ADAM11: variants seen among roughly 807,000 people sequenced by gnomAD.
The protein encoded by ADAM11 is ADAM metallopeptidase domain 11.
A neutral mutation model predicts 119.1 loss-of-function variants in ADAM11; 49 were observed. That is an observed-to-expected ratio of 0.41 (90% CI 0.33 to 0.52). The LOEUF is 0.52. ADAM11 is among the 20% of genes least tolerant of loss of function. ADAM11 has a pLI of 0.20. For missense variants in ADAM11, 777 were observed against 1,047.5 expected (o/e 0.74, Z 3.56); for synonymous variants, 364 against 408.0 (o/e 0.89, Z 1.30).
chr17:44,779,732 G>A lies in ADAM11; in HGVS notation c.2295-7G>A, dbSNP rs371647559. On this transcript the variant is annotated splice_polypyrimidine_tract_variant and splice_region_variant and intron_variant, in intron 26 of 26. Transcript: ENST00000200557. ...CGTCCTCCCCTGATGCCCCCTCTCC[G>A]TTCCAGGTCCGGAGGGGCCTAAGTG... 8.2e-5 allele frequency: 131 copies of A among 1,596,052 alleles called. No homozygotes were observed. The Admixed American group carries it at 1.7e-3, about 21-fold the overall frequency.
intron 2 of ADAM11, among the ~76,000 whole-genome samples, chr17:44,764,523 G>A (rs2049424956): frequency 6.6e-6 from 1 of 152,156 alleles, no homozygotes; most frequent in Admixed American, 6.5e-5. Context: ...GGATTTTGCT[G>A]GGCCCAGCTT....
chr17:44,778,615 G>T (rs12451016), intron 25 of ADAM11, among the ~76,000 whole-genome samples: 4 of 147,552 alleles, frequency 2.7e-5, no homozygotes, highest in Admixed American at 6.8e-5. Context: ...TGCTTGAACC[G>T]GGGAGGTGGA....
rs2049594493 is a variant in ADAM11, at chr17:44,775,893, G to C, written c.1485+217G>C. Among the ~76,000 whole-genome samples the C allele has an allele frequency of 6.6e-6, 1 of 150,842 alleles. No homozygotes were observed. Among genetic ancestry groups the C allele is most frequent in the Admixed American group, 6.6e-5 (1 of 15,108 alleles). ...AGGAGCGGGAAGGGAAGGCTGCCCA[G>C]AATCAAGGAGGGGCGGGAAGGTGGG... On this transcript the variant is annotated intron_variant, in intron 17 of 26. Transcript: ENST00000200557. The surrounding 1 kb of genome is among the most constrained non-coding windows in gnomAD (Gnocchi z 7.5).
At position 44,771,683 on chromosome 17, in the gene ADAM11, G is replaced by A. The variant is rs2049526159; in HGVS notation, c.467+14G>A. The A allele has an allele frequency of 7.4e-6, 12 of 1,612,246 alleles. No individual in the cohort carries two copies. The highest frequency in any genetic ancestry group is 1.0e-5 in the Non-Finnish European group (12 of 1,179,348). ...CCAGGGGCTGCAGTGAGTATGGGGAGGGGCCGGGCAGCTGGGAGAAGCCTC... is the reference window on the plus strand; with the variant it reads ...CCAGGGGCTGCAGTGAGTATGGGGAAGGGCCGGGCAGCTGGGAGAAGCCTC... On this transcript the variant is annotated intron_variant, in intron 5 of 26. Coordinates refer to ENST00000200557, the MANE Select transcript of ADAM11 (RefSeq NM_002390.6).
Position 44,776,823 on chromosome 17 carries a change from A to T in ADAM11, c.1617+28A>T. 1 of 1,613,918 alleles carries T rather than the reference A, an allele frequency of 6.2e-7. No homozygotes were observed. Among genetic ancestry groups the T allele is most frequent in the East Asian group, 2.2e-5 (1 of 44,870 alleles). On this transcript the variant is annotated intron_variant, in intron 19 of 26. Coordinates refer to ENST00000200557, the MANE Select transcript of ADAM11 (RefSeq NM_002390.6). The surrounding 1 kb of genome is among the most constrained non-coding windows in gnomAD (Gnocchi z 5.2). ...ATGATGGCTGCCCCCTGAGCCTGGG[A>T]TTCAGGGCAGTCTCTTGTCTCCACT...
Position 44,776,935 on chromosome 17 carries a change from C to T in ADAM11, c.1654C>T (p.Arg552Trp), listed in dbSNP as rs751333028. ...CYGGRCKTRD[R>W]QCQVLWGHAA... Reference sequence around the variant, plus strand: ...CGGAGGTCGCTGCAAAACCCGGGACCGGCAGTGCCAGGTTCTTTGGGGCCA... The same window carrying T: ...CGGAGGTCGCTGCAAAACCCGGGACTGGCAGTGCCAGGTTCTTTGGGGCCA... Residue 552 changes from arginine to tryptophan, a missense_variant, in exon 20 of 27, where the codon CGG (arginine) becomes TGG (tryptophan). Physicochemically the swap from Arg to Trp is moderately radical, Grantham distance 101. Transcript: ENST00000200557. This position sits in a 1 kb window ranked among gnomAD's most constrained non-coding sequence, Gnocchi z 5.2. 3.2e-5 allele frequency: 51 copies of T among 1,612,918 alleles called. No homozygotes were observed. Among genetic ancestry groups the T allele is most frequent in the Middle Eastern group, 1.6e-4 (1 of 6,076 alleles).
Position 44,775,144 on chromosome 17 carries a change from C to A in ADAM11, c.1221-68C>A, listed in dbSNP as rs909634147. The A allele has an allele frequency of 5.2e-6, 7 of 1,355,068 alleles. No homozygotes were observed. The highest frequency in any genetic ancestry group is 7.3e-6 in the Non-Finnish European group (7 of 953,738). The allele number at this position is 1,355,068 out of a possible 1,614,324, so 83.9% of individuals were successfully genotyped here. ...GAAGTCCCCCAGTGTACCCCCTCCC[C>A]AGCCTTGAGAGGGGTGAGGGTGGGT... On this transcript the variant is annotated intron_variant, in intron 14 of 26. Transcript: ENST00000200557. The surrounding 1 kb of genome is among the most constrained non-coding windows in gnomAD (Gnocchi z 7.5).
At chr17:44,759,638 G>C (rs910692870) in intron 1 of ADAM11, 84 bp from the exon 2 acceptor site, 6 of 1,304,672 alleles carry the variant, frequency 4.6e-6, no homozygotes, top group African/African-American at 1.5e-5. Context: ...ACACCAGAGT[G>C]GGGGATGAGG....
intron 2 of ADAM11, among the ~76,000 whole-genome samples, chr17:44,769,399 G>A (rs2049489435): frequency 1.3e-5 from 2 of 152,354 alleles, no homozygotes; most frequent in Non-Finnish European, 1.5e-5. Flanking sequence ...ATGAGGCAGA[G>A]GGCTGGCCGG....
chr17:44,772,441 G>C lies in ADAM11; in HGVS notation c.653G>C (p.Arg218Pro), dbSNP rs750236543. 14 of 1,575,530 alleles carry C rather than the reference G, an allele frequency of 8.9e-6. No individual in the cohort carries two copies. The highest frequency in any genetic ancestry group is 1.3e-5 in the African/African-American group (1 of 74,120). ...CCTGCCCAGTCGGCTCCTCCAAACC[G>C]GCCGAGGCTGAGAAGGAAAAGGCAG... ...AVPAQSAPPN[R>P]PRLRRKRQVR... The change falls in exon 8 of 27, where the codon CGG (arginine) becomes CCG (proline). Residue 218 changes from arginine to proline, a missense_variant. By Grantham distance (103) the Arg-to-Pro change is moderately radical (BLOSUM62 -2). This residue lies in a region of ADAM11 where 278 missense variants were observed against 310.1 expected (regional missense o/e 0.90). Coordinates refer to ENST00000200557, the MANE Select transcript of ADAM11 (RefSeq NM_002390.6). This position sits in a 1 kb window ranked among gnomAD's most constrained non-coding sequence, Gnocchi z 4.5.
chr17:44,773,111 CCCT>C lies in ADAM11; in HGVS notation c.825+34_825+36del. 9 of 1,251,108 alleles carry C rather than the reference CCCT, an allele frequency of 7.2e-6. No homozygotes were observed. The highest frequency in any genetic ancestry group is 9.9e-6 in the Non-Finnish European group (9 of 907,584). 77.5% of individuals were successfully genotyped at this position (1,251,108 alleles called of 1,614,324 possible). On this transcript the variant is annotated intron_variant, in intron 10 of 26. Transcript: ENST00000200557. This position sits in a 1 kb window ranked among gnomAD's most constrained non-coding sequence, Gnocchi z 4.6. ...GTAAGCAGCTCTCCCTCCCTCCCTT[CCCT>C]CCTCCTCATGCCCCCCACCCCACCA...
chr17:44,769,485 A>G (rs1441653399), intron 2 of ADAM11, among the ~76,000 whole-genome samples: 1 of 152,226 alleles, frequency 6.6e-6, no homozygotes, highest in African/African-American at 2.4e-5. Flanking sequence ...CCCAGAGGGC[A>G]GAAAGGGGGC....
rs781676844 is a variant in ADAM11, at chr17:44,771,576, T to C, written c.382-8T>C. 4 of 1,610,854 alleles carry C rather than the reference T, an allele frequency of 2.5e-6. No individual in the cohort carries two copies. The East Asian group carries it at 6.7e-5, about 27-fold the overall frequency. On this transcript the variant is annotated splice_polypyrimidine_tract_variant and splice_region_variant and intron_variant, in intron 4 of 26. Transcript: ENST00000200557. ...GCCAGCGTTCTGCTCACTGTTCTGC[T>C]CCTTCAGGGGGCTGGAGACCACTGC...
At chr17:44,778,901 C>A (rs1009989244) in intron 25 of ADAM11, among the ~76,000 whole-genome samples, 18 of 152,066 alleles carry the variant, frequency 1.2e-4, no homozygotes, top group African/African-American at 4.1e-4. Flanking sequence ...AGTCTCCAGT[C>A]CCCACCCAGC....
rs994462083 is a variant in ADAM11, at chr17:44,776,524, T to A, written c.1567-221T>A. Among the ~76,000 whole-genome samples the A allele has an allele frequency of 6.6e-6, 1 of 152,114 alleles. No homozygotes were observed. The highest frequency in any genetic ancestry group is 1.5e-5 in the Non-Finnish European group (1 of 68,004). The stretch of plus-strand genomic sequence containing the variant: ...AACCTAATTACATGCCAGGCATTTA[T>A]CTCCCAGCCCTACGAGGGAGGGAGG... On this transcript the variant is annotated intron_variant, in intron 18 of 26. Transcript: ENST00000200557. The surrounding 1 kb of genome is among the most constrained non-coding windows in gnomAD (Gnocchi z 5.2).
chr17:44,770,098 T>G, intron 4 of ADAM11, 50 bp downstream of exon 4: 1 of 1,599,726 alleles, frequency 6.3e-7, no homozygotes, highest in Non-Finnish European at 8.5e-7. Flanking sequence ...GGAGGTGCTG[T>G]TTCTGTGGTT....
chr17:44,772,371 T>C lies in ADAM11; in HGVS notation c.611-28T>C. 6.3e-7 allele frequency: 1 copy of C among 1,579,446 alleles called. No homozygotes were observed. Among genetic ancestry groups the C allele is most frequent in the Non-Finnish European group, 8.6e-7 (1 of 1,161,476 alleles). On this transcript the variant is annotated intron_variant, in intron 7 of 26. Coordinates refer to ENST00000200557, the MANE Select transcript of ADAM11 (RefSeq NM_002390.6). The surrounding 1 kb of genome is among the most constrained non-coding windows in gnomAD (Gnocchi z 4.5). ...AGGGGGGGTGGGGAGGGGCCGGCTGTGCCCCCCTCACCTGCCCCTCCCCAC... is the reference window on the plus strand; with the variant it reads ...AGGGGGGGTGGGGAGGGGCCGGCTGCGCCCCCCTCACCTGCCCCTCCCCAC...
In ADAM11 at chr17:44,772,618, GA is replaced by G; in HGVS notation, c.678+153del. 1 of 1,150,800 alleles carries G rather than the reference GA, an allele frequency of 8.7e-7. No individual in the cohort carries two copies. The highest frequency in any genetic ancestry group is 1.5e-5 in the South Asian group (1 of 65,064). 71.3% of individuals were successfully genotyped at this position (1,150,800 alleles called of 1,614,324 possible). A position where few individuals can be genotyped will look rare whatever the true frequency, so the allele number is the denominator to read the frequency against. On this transcript the variant is annotated intron_variant, in intron 8 of 26. Coordinates refer to ENST00000200557, the MANE Select transcript of ADAM11 (RefSeq NM_002390.6). The surrounding 1 kb of genome is among the most constrained non-coding windows in gnomAD (Gnocchi z 4.5). The stretch of plus-strand genomic sequence containing the variant: ...GCTGGGGGCCAGGGACCGTGTCTGG[GA>G]GAAGCCCCCACCCCTTCCCTAATGC...
At chr17:44,761,137 G>A (rs1024477431) in intron 2 of ADAM11, among the ~76,000 whole-genome samples, 7 of 151,724 alleles carry the variant, frequency 4.6e-5, no homozygotes, top group Non-Finnish European at 2.9e-5. Flanking sequence ...TGGCTGTCTT[G>A]CCTGGTGTCA....
Sources: gnomAD v4.1 joint callset for allele counts (sites outside exome capture counted in the v4.1 genomes callset) on GRCh38, gnomAD v4.1.1 for gene constraint, gnomAD v4.1.1 regional missense constraint, Gnocchi (gnomAD v3.1) non-coding constraint, MANE v1.5 for transcripts, NCBI Gene and HGNC (gene_info 2026-07-23, HGNC 2026-07-21) for gene names.